Variants in TSGA10IP observed in about 807,000 individuals in gnomAD.
TSGA10IP encodes the protein testis specific 10 interacting protein.
Under a neutral mutation model 63.2 loss-of-function variants are expected in TSGA10IP, and 64 were observed. The observed-to-expected ratio is 1.01, with a 90% CI of 0.83 to 1.25. The LOEUF (loss-of-function observed/expected upper bound fraction) is 1.25. TSGA10IP is among the 50% of genes most tolerant of loss of function. The pLI is 0.00. For missense variants in TSGA10IP, 681 were observed against 710.1 expected, an observed-to-expected ratio of 0.96 and a Z score of 0.47; for synonymous variants, 316 against 298.3, an observed-to-expected ratio of 1.06 and a Z score of -0.61.
At position 65,945,824 on chromosome 11, in the gene TSGA10IP, T is replaced by G; in HGVS notation, c.147+2T>G. On this transcript the variant is annotated splice_donor_variant, in intron 1 of 7. Transcript: ENST00000532620. LOFTEE classifies it high-confidence loss of function. The stretch of plus-strand genomic sequence containing the variant: ...TCGACCGTCTCTCAGGACAAGCAGG[T>G]GAGGGAGGCCCAGTGAGGACACTTC... 6.2e-7 allele frequency: 1 copy of G among 1,613,094 alleles called. No individual in the cohort carries two copies. Among genetic ancestry groups the G allele is most frequent in the South Asian group, 1.1e-5 (1 of 91,008 alleles).
chr11:65,955,279 T>C lies in TSGA10IP; in HGVS notation c.1322+1542T>C, dbSNP rs190499380. 1.6e-4 allele frequency among the ~76,000 whole-genome samples: 24 copies of C among 152,216 alleles called. 1 individual carries two copies. Among genetic ancestry groups the C allele is most frequent in the Admixed American group, 1.0e-3 (16 of 15,288 alleles). On this transcript the variant is annotated intron_variant, in intron 5 of 7. Coordinates refer to ENST00000532620, the Ensembl canonical transcript of TSGA10IP. Reference sequence around the variant, plus strand: ...AGGTATGAGGGAACTTGTAGCCATCTGGTATCCCCTAAGACTGCTTATCTT... The same window carrying C: ...AGGTATGAGGGAACTTGTAGCCATCCGGTATCCCCTAAGACTGCTTATCTT...
chr11:65,959,073 G>T lies in TSGA10IP; in HGVS notation c.1422+91G>T, dbSNP rs1247732578. 8.3e-6 allele frequency: 13 copies of T among 1,567,706 alleles called. No individual in the cohort carries two copies. The East Asian group carries it at 3.0e-4, about 36-fold the overall frequency. The stretch of plus-strand genomic sequence containing the variant: ...AGCAGGATGCGAGTAGGTCCCTGCA[G>T]ATAGGATCCCAGGGCTGCTGCCCTC... On this transcript the variant is annotated intron_variant, in intron 6 of 7. Transcript: ENST00000532620.
intron 4 of TSGA10IP, 100 bp downstream of exon 4, chr11:65,948,248 T>G (rs1854880480): frequency 3.6e-6 from 5 of 1,405,220 alleles, no homozygotes; most frequent in Non-Finnish European, 4.7e-6. Context: ...ATTCATTTCT[T>G]TATTTATCCA....
chr11:65,946,978 C>T (rs974036845), exon 2 of TSGA10IP: 1 of 1,613,928 alleles, frequency 6.2e-7, no homozygotes, highest in East Asian at 2.2e-5. Context: ...AGCCCAGGGG[C>T]CAGAGCAAGA....
intron 1 of TSGA10IP, 99 bp downstream of exon 1, chr11:65,945,921 C>G (rs1854823309): frequency 7.0e-7 from 1 of 1,420,934 alleles, no homozygotes. Context: ...AAGACCTGAG[C>G]TGAGGTCCAG....
intron 5 of TSGA10IP, among the ~76,000 whole-genome samples, chr11:65,955,103 G>T (rs1382821035): frequency 6.6e-6 from 1 of 152,338 alleles, no homozygotes; most frequent in Middle Eastern, 3.4e-3. Context: ...GAGCCTAGCT[G>T]TGTATGCGGA....
chr11:65,947,367 T>G, exon 3 of TSGA10IP: 1 of 1,612,098 alleles, frequency 6.2e-7, no homozygotes, highest in Non-Finnish European at 8.5e-7. Flanking sequence ...TGGGGCGGTG[T>G]CTCCATCCCT....
chr11:65,954,839 A>C (rs35351016), intron 5 of TSGA10IP, among the ~76,000 whole-genome samples: 1 of 148,880 alleles, frequency 6.7e-6, no homozygotes, highest in African/African-American at 2.5e-5. Context: ...AAAAAAGCCC[A>C]CCCTGAGGAC....
chr11:65,950,286 A>C (rs1009960837), intron 4 of TSGA10IP, among the ~76,000 whole-genome samples: 2 of 151,956 alleles, frequency 1.3e-5, no homozygotes, highest in Non-Finnish European at 2.9e-5. Flanking sequence ...CTCCTCTCTA[A>C]CTGAAATTTC....
At chr11:65,957,742 C>T (rs1565309053) in intron 5 of TSGA10IP, among the ~76,000 whole-genome samples, 1 of 152,122 alleles carries the variant, frequency 6.6e-6, no homozygotes, top group Non-Finnish European at 1.5e-5. Context: ...TGTCTCCCCT[C>T]CCCTCCTGTC....
At chr11:65,945,744 G>A in exon 1 of TSGA10IP, 1 of 1,612,462 alleles carries the variant, frequency 6.2e-7, no homozygotes. Flanking sequence ...TGCGACCAGG[G>A]CAGGACGTGC....
intron 4 of TSGA10IP, among the ~76,000 whole-genome samples, chr11:65,950,359 C>T (rs1854923512): frequency 6.6e-6 from 1 of 152,040 alleles, no homozygotes; most frequent in Admixed American, 6.6e-5. Flanking sequence ...TGGTAACCAC[C>T]ATTCTACTCT....
chr11:65,953,665 A>G lies in TSGA10IP; in HGVS notation c.1250A>G (p.His417Arg), dbSNP rs201015536. Residue 417 changes from histidine (H) to arginine (R), a missense_variant, in exon 5 of 8, where the codon CAC becomes CGC. Physicochemically the swap from His to Arg is conservative, Grantham distance 29 (BLOSUM62 0). Coordinates refer to ENST00000532620, the Ensembl canonical transcript of TSGA10IP. The stretch of plus-strand genomic sequence containing the variant: ...CAGCATGTACAGCGGCAGGTGGCCC[A>G]CTGCCTGGCAGCCTACGCACCCAGA... 1.7e-3 allele frequency: 2,643 copies of G among 1,591,466 alleles called. 37 individuals are homozygous for G. In the African/African-American group the frequency reaches 0.031, roughly 19 times the overall value.
At chr11:65,947,204 T>G (rs763868629) in exon 3 of TSGA10IP, 2 of 1,607,364 alleles carry the variant, frequency 1.2e-6, no homozygotes, top group Non-Finnish European at 8.5e-7. Flanking sequence ...TCAGCCAAGC[T>G]CCCCAACCCC....
At chr11:65,947,145 C>T in exon 3 of TSGA10IP, 1 of 1,611,994 alleles carries the variant, frequency 6.2e-7, no homozygotes, top group Non-Finnish European at 8.5e-7. Context: ...CCCTCCTTCC[C>T]CTTCCAGTGG....
chr11:65,953,479 C>G, intron 4 of TSGA10IP, 88 bp from the exon 5 acceptor site: 1 of 1,456,228 alleles, frequency 6.9e-7, no homozygotes, highest in Non-Finnish European at 9.0e-7. Context: ...TCCCCACAGG[C>G]TTCCATATTC....
At chr11:65,958,149 TG>T (rs201966291) in intron 5 of TSGA10IP, among the ~76,000 whole-genome samples, 1,879 of 152,228 alleles carry the variant, frequency 0.012, 10 homozygotes, top group Non-Finnish European at 0.019. Flanking sequence ...TTCACCATGT[TG>T]CCCAGTCTGG....
At chr11:65,945,618 G>T (rs1854810907) in exon 1 of TSGA10IP, 3 of 1,585,354 alleles carry the variant, frequency 1.9e-6, no homozygotes, top group Non-Finnish European at 2.6e-6. Flanking sequence ...CTGAGGACTG[G>T]TTGCCATAGA....
At chr11:65,948,475 G>A (rs900085760) in intron 4 of TSGA10IP, among the ~76,000 whole-genome samples, 4 of 152,114 alleles carry the variant, frequency 2.6e-5, no homozygotes, top group South Asian at 2.1e-4. Context: ...TTAATGCAAC[G>A]TTTATTATCT....
Sources: allele counts gnomAD v4.1 joint callset (sites outside exome capture counted in the v4.1 genomes callset), GRCh38; gene constraint gnomAD v4.1.1; transcripts MANE v1.5; gene names NCBI Gene and HGNC (gene_info 2026-07-23, HGNC 2026-07-21).